The following CNTNAP2 variants were observed in gnomAD, a reference collection of about 807,000 sequenced individuals.
CNTNAP2 encodes contactin-associated protein-like 2.
CNTNAP2 carries 98 observed loss-of-function variants against 155.2 expected under a neutral mutation model. That is an observed-to-expected ratio of 0.63 (90% CI 0.54 to 0.75). CNTNAP2 has a LOEUF of 0.75. Ranked by LOEUF, CNTNAP2 falls within the 30% of genes least tolerant of loss-of-function variation. CNTNAP2 has a pLI of 0.00. For synonymous variants in CNTNAP2, 651 were observed against 631.2 expected (o/e 1.03, Z -0.47); for missense variants, 1,727 against 1,688.1 (o/e 1.02, Z -0.40).
intron 1 of CNTNAP2, among the ~76,000 whole-genome samples, chr7:146,399,094 G>T (rs1795677030): frequency 6.6e-6 from 1 of 151,826 alleles, no homozygotes; most frequent in Admixed American, 6.6e-5. Context: ...ATATATTTGT[G>T]GTATACAACA....
At chr7:147,061,857 G>A (rs1370892631) in intron 4 of CNTNAP2, among the ~76,000 whole-genome samples, 2 of 151,944 alleles carry the variant, frequency 1.3e-5, no homozygotes, top group Admixed American at 6.6e-5. Flanking sequence ...TTCTTTGGCC[G>A]GGCACGGTGG....
intron 14 of CNTNAP2, among the ~76,000 whole-genome samples, chr7:147,912,321 C>G (rs183960596): frequency 6.6e-6 from 1 of 152,166 alleles, no homozygotes; most frequent in Non-Finnish European, 1.5e-5. Context: ...GGAGCAGCCT[C>G]TTCAGTATTC....
intron 14 of CNTNAP2, among the ~76,000 whole-genome samples, chr7:147,958,601 T>G (rs1585048707): frequency 6.6e-6 from 1 of 152,310 alleles, no homozygotes; most frequent in Admixed American, 6.5e-5. Flanking sequence ...ACAGGTTGAT[T>G]CACAAACCTA....
At chr7:148,122,885 T>C (rs970533169) in intron 16 of CNTNAP2, among the ~76,000 whole-genome samples, 1 of 150,508 alleles carries the variant, frequency 6.6e-6, no homozygotes. Context: ...AGAAAGATCC[T>C]TAACAGATAG....
chr7:146,443,922 C>G (rs1796363885), intron 1 of CNTNAP2, among the ~76,000 whole-genome samples: 2 of 152,176 alleles, frequency 1.3e-5, no homozygotes, highest in Non-Finnish European at 2.9e-5. Context: ...CTAGTATTAT[C>G]ACAGTGTTCT....
At chr7:148,236,241 G>A (rs893979408) in intron 20 of CNTNAP2, among the ~76,000 whole-genome samples, 1 of 152,140 alleles carries the variant, frequency 6.6e-6, no homozygotes, top group African/African-American at 2.4e-5. Context: ...TCTCTCTCAA[G>A]GTAATGGCAG....
chr7:147,195,304 T>C (rs1466435284), intron 8 of CNTNAP2, among the ~76,000 whole-genome samples: 1 of 152,222 alleles, frequency 6.6e-6, no homozygotes, highest in Non-Finnish European at 1.5e-5. Context: ...ACCAGTACCA[T>C]GCTGTTTTGG....
chr7:147,999,600 C>A (rs1163556557), intron 15 of CNTNAP2, among the ~76,000 whole-genome samples: 4 of 152,050 alleles, frequency 2.6e-5, no homozygotes, highest in Non-Finnish European at 5.9e-5. Flanking sequence ...GAAGTCGTAT[C>A]CCCTCATGCC....
rs779073445 is a variant in CNTNAP2 at position 146,663,877 on chromosome 7, AGAGTTATTACATTGATTAG to A, written c.98-110391_98-110373del. Among the ~76,000 whole-genome samples, 1,004 of 151,594 alleles carry A rather than the reference AGAGTTATTACATTGATTAG, an allele frequency of 6.6e-3. 5 individuals carry two copies. Among genetic ancestry groups the A allele is most frequent in the African/African-American group, 0.023 (928 of 41,018 alleles). On this transcript the variant is annotated intron_variant, in intron 1 of 23. Transcript: ENST00000361727. Reference sequence around the variant, plus strand: ...TATTCATTTATTTATTTATTTTTGTAGAGTTATTACATTGATTAGGACCTCTAGGTGAATGTGGTAAAAG... The same window carrying A: ...TATTCATTTATTTATTTATTTTTGTAGACCTCTAGGTGAATGTGGTAAAAG...
At chr7:146,658,956 C>G (rs1009383679) in intron 1 of CNTNAP2, among the ~76,000 whole-genome samples, 9 of 152,270 alleles carry the variant, frequency 5.9e-5, no homozygotes, top group African/African-American at 2.2e-4. Flanking sequence ...ACTCTCTCAG[C>G]CTCTGAGCTG....
In CNTNAP2 at chr7:147,056,812, C is replaced by T. The variant is rs567191741; in HGVS notation, c.550+12758C>T. Among the ~76,000 whole-genome samples, 32 of 152,176 alleles carry T rather than the reference C, an allele frequency of 2.1e-4. 1 individual carries two copies. Among genetic ancestry groups the T allele is most frequent in the Middle Eastern group, 3.4e-3 (1 of 294 alleles). On this transcript the variant is annotated intron_variant, in intron 4 of 23. Coordinates refer to ENST00000361727, the MANE Select transcript of CNTNAP2 (RefSeq NM_014141.6). ...TTTGGAGACATTCTCACTCTGTCAC[C>T]GAGTCTGCAGTGCAGTGGTATGATC...
chr7:147,475,703 T>C (rs2116617590), intron 10 of CNTNAP2, among the ~76,000 whole-genome samples: 1 of 152,300 alleles, frequency 6.6e-6, no homozygotes, highest in South Asian at 2.1e-4. Context: ...AGAAAGGCCC[T>C]CTATATTAGT....
chr7:148,087,852 G>A (rs191517479), intron 15 of CNTNAP2, among the ~76,000 whole-genome samples: 116 of 152,194 alleles, frequency 7.6e-4, no homozygotes, highest in African/African-American at 2.7e-3. Context: ...TAATGTCAGA[G>A]ATGGAAAATA....
intron 1 of CNTNAP2, among the ~76,000 whole-genome samples, chr7:146,583,238 G>A (rs1008776194): frequency 8.5e-5 from 13 of 152,088 alleles, no homozygotes; most frequent in Non-Finnish European, 1.5e-4. Flanking sequence ...AAAATATCCA[G>A]GAGAAATACT....
chr7:146,708,390 A>AT (rs1004053200), intron 1 of CNTNAP2, among the ~76,000 whole-genome samples: 5 of 151,832 alleles, frequency 3.3e-5, no homozygotes, highest in East Asian at 3.9e-4. Context: ...TTTTGTTGGC[A>AT]TTTTTTTGTG....
intron 15 of CNTNAP2, among the ~76,000 whole-genome samples, chr7:148,083,994 G>T (rs926070068): frequency 6.6e-6 from 1 of 152,202 alleles, no homozygotes; most frequent in Non-Finnish European, 1.5e-5. Flanking sequence ...GACCATAGAT[G>T]TAGTATCACA....
At chr7:146,622,519 A>G (rs1356245330) in intron 1 of CNTNAP2, among the ~76,000 whole-genome samples, 2 of 152,096 alleles carry the variant, frequency 1.3e-5, no homozygotes, top group Non-Finnish European at 2.9e-5. Context: ...ATCTGTTTGT[A>G]TGTATATTCA....
chr7:146,400,283 A>T lies in CNTNAP2; in HGVS notation c.97+283310A>T, dbSNP rs1323297868. On this transcript the variant is annotated intron_variant, in intron 1 of 23. Coordinates refer to ENST00000361727, the MANE Select transcript of CNTNAP2 (RefSeq NM_014141.6). ...TATTCTAGTAAAAAAAAAAAATATGAAAAAAAGGAGGCTGGGAGACAGCAA... is the reference window on the plus strand; with the variant it reads ...TATTCTAGTAAAAAAAAAAAATATGTAAAAAAGGAGGCTGGGAGACAGCAA... Among the ~76,000 whole-genome samples the T allele has an allele frequency of 2.6e-5, 4 of 152,126 alleles. 1 individual carries two copies. The South Asian group carries it at 8.3e-4, about 32-fold the overall frequency.
At chr7:147,225,985 G>GAGAA (rs141223209) in intron 8 of CNTNAP2, among the ~76,000 whole-genome samples, 10 of 150,992 alleles carry the variant, frequency 6.6e-5, no homozygotes, top group African/African-American at 1.5e-4. Context: ...GAAAGAAAGA[G>GAGAA]AGAAAGAAAG....
Sources: gnomAD v4.1 joint callset for allele counts (sites outside exome capture counted in the v4.1 genomes callset) on GRCh38, gnomAD v4.1.1 for gene constraint, MANE v1.5 for transcripts, NCBI Gene and HGNC (gene_info 2026-07-23, HGNC 2026-07-21) for gene names.